Variants in ZC3H13 observed in about 807,000 individuals in gnomAD.
The protein encoded by ZC3H13 is zinc finger CCCH-type containing 13, also known as zinc finger CCCH domain-containing protein 13.
In ZC3H13, 64 loss-of-function variants were observed where a neutral mutation model predicts 204.1. The ratio of observed to expected loss-of-function variants is 0.31; its 90% CI spans 0.26 to 0.39. The LOEUF (loss-of-function observed/expected upper bound fraction) is 0.39. Ranked by LOEUF, ZC3H13 falls within the 10% of genes least tolerant of loss-of-function variation. ZC3H13 has a pLI of 1.00. For missense variants in ZC3H13, 1,833 were observed against 2,082.7 expected (o/e 0.88, Z 2.33); for synonymous variants, 667 against 693.7 (o/e 0.96, Z 0.60).
intron 9 of ZC3H13, among the ~76,000 whole-genome samples, 189 bp from the exon 10 acceptor site, chr13:45,985,950 C>T (rs758536973): frequency 2.0e-5 from 3 of 152,102 alleles, no homozygotes; most frequent in Non-Finnish European, 2.9e-5. Context: ...AGATAAACTC[C>T]GAACATGAAT....
At chr13:45,983,698 A>T (rs1953914191) in intron 10 of ZC3H13, among the ~76,000 whole-genome samples, 1 of 151,702 alleles carries the variant, frequency 6.6e-6, no homozygotes, top group Non-Finnish European at 1.5e-5. Flanking sequence ...AAGTGCTGGG[A>T]TTACAGGCGT....
chr13:45,958,244 T>A (rs1290922521), intron 18 of ZC3H13, among the ~76,000 whole-genome samples: 1 of 152,254 alleles, frequency 6.6e-6, no homozygotes, highest in Non-Finnish European at 1.5e-5. Flanking sequence ...GTATTTTTCT[T>A]TAATGAAGTA....
intron 8 of ZC3H13, among the ~76,000 whole-genome samples, chr13:45,995,023 A>C (rs2040232328): frequency 2.5e-5 from 2 of 81,308 alleles, no homozygotes; most frequent in South Asian, 6.6e-4. Flanking sequence ...AAAAAAAAAA[A>C]AAAAAACGCC....
chr13:46,004,299 CA>C (rs2040965454), intron 7 of ZC3H13, among the ~76,000 whole-genome samples: 1 of 64,316 alleles, frequency 1.6e-5, no homozygotes, highest in Admixed American at 1.5e-4. Context: ...CTTTGGGAGG[CA>C]GAGGAGGGAG....
At chr13:46,047,129 T>C (rs2044024276) in intron 1 of ZC3H13, among the ~76,000 whole-genome samples, 1 of 152,144 alleles carries the variant, frequency 6.6e-6, no homozygotes, top group African/African-American at 2.4e-5. Flanking sequence ...TAAAAAATTA[T>C]AAACAGTGTT....
intron 5 of ZC3H13, among the ~76,000 whole-genome samples, chr13:46,019,008 T>C (rs778457208): frequency 3.3e-5 from 5 of 152,254 alleles, no homozygotes; most frequent in South Asian, 4.1e-4. Context: ...GCTGCCTTTA[T>C]TGCTATTTTG....
chr13:46,041,609 G>A (rs1279872522), intron 4 of ZC3H13, among the ~76,000 whole-genome samples: 1 of 152,078 alleles, frequency 6.6e-6, no homozygotes, highest in Admixed American at 6.6e-5. Flanking sequence ...TTAGCTCTGG[G>A]AAAGATTTCC....
At chr13:45,983,527 T>C (rs959216085) in intron 10 of ZC3H13, among the ~76,000 whole-genome samples, 2 of 140,270 alleles carry the variant, frequency 1.4e-5, no homozygotes, top group Admixed American at 7.3e-5. Flanking sequence ...CTTGGGTTCA[T>C]GCCATTCTCC....
intron 4 of ZC3H13, among the ~76,000 whole-genome samples, chr13:46,038,599 A>G (rs1452370475): frequency 2.0e-5 from 3 of 152,198 alleles, no homozygotes; most frequent in African/African-American, 7.2e-5. Flanking sequence ...AATCTATTCC[A>G]CAGTTGCCCT....
intron 5 of ZC3H13, among the ~76,000 whole-genome samples, chr13:46,018,885 G>A (rs1327242194): frequency 6.6e-6 from 1 of 152,146 alleles, no homozygotes; most frequent in Non-Finnish European, 1.5e-5. Flanking sequence ...ATGCTTGGGT[G>A]TGTTAAAAGG....
At chr13:46,003,582 T>A (rs978612831) in intron 7 of ZC3H13, among the ~76,000 whole-genome samples, 1 of 152,138 alleles carries the variant, frequency 6.6e-6, no homozygotes, top group Non-Finnish European at 1.5e-5. Context: ...TGAGAAAAGA[T>A]AGAGGTGAAA....
Position 45,969,223 on chromosome 13 carries a change from C to T in ZC3H13, c.3321G>A (p.Val1107=). The change falls in exon 14 of 19, where the codon GTG becomes GTA. Residue 1107 remains valine, a synonymous_variant. Transcript: ENST00000679008. ...GCACAGTTGTAGCAGTGGCAGTAGC[C>T]ACAGGCGGTGGAGGAGGAAGAAGAG... ...LSSLLPPPPP[V]ATATATTVPA... is the part of the protein sequence containing the mutation. The T allele has an allele frequency of 6.2e-7, 1 of 1,613,982 alleles. No individual in the cohort carries two copies. Among genetic ancestry groups the T allele is most frequent in the Non-Finnish European group, 8.5e-7 (1 of 1,179,958 alleles).
At chr13:46,018,175 G>A (rs183042056) in intron 5 of ZC3H13, among the ~76,000 whole-genome samples, 1 of 103,280 alleles carries the variant, frequency 9.7e-6, no homozygotes, top group East Asian at 3.0e-4. Context: ...AGCTCTTGAT[G>A]TGTCAAATGC....
chr13:46,012,698 T>C (rs752257223), intron 5 of ZC3H13, among the ~76,000 whole-genome samples: 15 of 152,148 alleles, frequency 9.9e-5, no homozygotes, highest in South Asian at 2.1e-4. Flanking sequence ...CTAAAGCATG[T>C]TTTTCAGTCA....
intron 8 of ZC3H13, among the ~76,000 whole-genome samples, chr13:45,990,970 CTTTGT>C (rs1476036368): frequency 6.6e-6 from 1 of 152,098 alleles, no homozygotes; most frequent in East Asian, 1.9e-4. Context: ...CACTCAGCTA[CTTTGT>C]TTTATTTTTT....
chr13:46,043,607 T>A (rs998884505), intron 3 of ZC3H13, among the ~76,000 whole-genome samples: 1 of 151,984 alleles, frequency 6.6e-6, no homozygotes, highest in African/African-American at 2.4e-5. Context: ...AAGCATTCTG[T>A]AAAATACATT....
intron 11 of ZC3H13, among the ~76,000 whole-genome samples, chr13:45,978,925 T>G (rs1271287007): frequency 6.6e-6 from 1 of 152,042 alleles, no homozygotes; most frequent in Non-Finnish European, 1.5e-5. Context: ...CTACTTCTGA[T>G]CCTATCTATG....
At chr13:46,017,757 A>AT (rs2041999974) in intron 5 of ZC3H13, among the ~76,000 whole-genome samples, 1 of 152,124 alleles carries the variant, frequency 6.6e-6, no homozygotes, top group African/African-American at 2.4e-5. Context: ...TCCAGATAGA[A>AT]TAACAATGCA....
chr13:45,986,321 C>T (rs547364884), intron 9 of ZC3H13, among the ~76,000 whole-genome samples: 3 of 152,214 alleles, frequency 2.0e-5, no homozygotes, highest in Admixed American at 6.5e-5. Flanking sequence ...AGCTGGGTGA[C>T]GTGGCATGTA....
Sources: allele counts gnomAD v4.1 joint callset (sites outside exome capture counted in the v4.1 genomes callset), GRCh38; gene constraint gnomAD v4.1.1; transcripts MANE v1.5; gene names NCBI Gene and HGNC (gene_info 2026-07-23, HGNC 2026-07-21).